The following ARHGAP32 variants were observed in gnomAD, a reference collection of about 807,000 sequenced individuals.
The protein encoded by ARHGAP32 is rho GTPase-activating protein 32.
A neutral mutation model predicts 186.5 loss-of-function variants in ARHGAP32; 51 were observed. That is an observed-to-expected ratio of 0.27 (90% CI 0.22 to 0.35). The LOEUF (loss-of-function observed/expected upper bound fraction) is 0.35, where lower values mean the gene tolerates loss of function less well. ARHGAP32 is among the 10% of genes least tolerant of loss of function. The pLI, the probability that ARHGAP32 is intolerant of heterozygous loss-of-function variation, is 1.00. For synonymous variants in ARHGAP32, 950 were observed against 964.3 expected (o/e 0.99, Z 0.27); for missense variants, 2,186 against 2,623.5 (o/e 0.83, Z 3.64).
At chr11:129,160,054 C>T (rs1312785152) in intron 2 of ARHGAP32, among the ~76,000 whole-genome samples, 1 of 152,162 alleles carries the variant, frequency 6.6e-6, no homozygotes, top group Non-Finnish European at 1.5e-5. Context: ...TTCAACACTG[C>T]TTCATGCTAA....
chr11:129,198,465 G>T (rs1944420236), intron 1 of ARHGAP32, among the ~76,000 whole-genome samples: 1 of 152,178 alleles, frequency 6.6e-6, no homozygotes, highest in South Asian at 2.1e-4. Context: ...ACTGAATCAT[G>T]GGGGTGGTTT....
intron 11 of ARHGAP32, among the ~76,000 whole-genome samples, chr11:129,029,188 A>G (rs79273071): frequency 0.013 from 2,013 of 152,306 alleles, 16 homozygotes; most frequent in Middle Eastern, 0.02. Flanking sequence ...TTCTGTTTAT[A>G]TAGGCCTTAT....
chr11:129,185,248 T>C (rs1034686083), intron 1 of ARHGAP32, among the ~76,000 whole-genome samples: 1 of 152,210 alleles, frequency 6.6e-6, no homozygotes, highest in African/African-American at 2.4e-5. Context: ...GTGGCACATA[T>C]ACACCACGGA....
intron 1 of ARHGAP32, among the ~76,000 whole-genome samples, chr11:129,246,685 G>C (rs1945102655): frequency 6.6e-6 from 1 of 152,184 alleles, no homozygotes; most frequent in Non-Finnish European, 1.5e-5. Flanking sequence ...TAGGTCACTA[G>C]TGGCAATTGA....
rs371744455 is a variant in ARHGAP32 at position 128,971,000 on chromosome 11, G to A, written c.4213C>T (p.Arg1405Trp). ...GLPEKVRDGA[R>W]VPLLHLRAES... ...GCGCGCAGGTGCAGCAGCGGGACCCGGGCACCGTCCCGCACTTTCTCAGGC... is the reference window on the plus strand; with the variant it reads ...GCGCGCAGGTGCAGCAGCGGGACCCAGGCACCGTCCCGCACTTTCTCAGGC... Residue 1405 changes from arginine (R) to tryptophan (W), a missense_variant, in exon 23 of 23, where the codon CGG (arginine) becomes TGG (tryptophan). By Grantham distance (101) the Arg-to-Trp change is moderately radical. Coordinates refer to ENST00000682385, the MANE Select transcript of ARHGAP32 (RefSeq NM_001378024.1). The surrounding 1 kb of genome is among the most constrained non-coding windows in gnomAD (Gnocchi z 5.8). 2.8e-5 allele frequency: 45 copies of A among 1,613,486 alleles called. No homozygotes were observed. The Middle Eastern group carries it at 4.9e-4, about 18-fold the overall frequency.
chr11:128,976,078 C>CATATATATATATATATATATAT (rs71472082), intron 20 of ARHGAP32, among the ~76,000 whole-genome samples: 8 of 145,804 alleles, frequency 5.5e-5, no homozygotes, highest in African/African-American at 2.0e-4. Flanking sequence ...CTCTGTCTAA[C>CATATATATATATATATATATAT]ATATATATAT....
chr11:129,193,481 CAAAAAA>C (rs1204964930), upstream of ARHGAP32, among the ~76,000 whole-genome samples: 2 of 26,064 alleles, frequency 7.7e-5, no homozygotes, highest in East Asian at 1.1e-3. Flanking sequence ...GACCCTGTCT[CAAAAAA>C]AAAAAAAAAA....
In ARHGAP32 at chr11:128,974,903, T is replaced by G; in HGVS notation, c.2294A>C (p.Tyr765Ser). 1 of 1,614,170 alleles carries G rather than the reference T, an allele frequency of 6.2e-7. No homozygotes were observed. Among genetic ancestry groups the G allele is most frequent in the African/African-American group, 1.3e-5 (1 of 75,036 alleles). Residue 765 changes from tyrosine to serine, a missense_variant, in exon 21 of 23, where the codon TAT becomes TCT. Coordinates refer to ENST00000682385, the MANE Select transcript of ARHGAP32 (RefSeq NM_001378024.1). ...GEMLGNRCNS[Y>S]DNLPHDNESE... Reference sequence around the variant, plus strand: ...CTCATTGTCATGAGGCAGATTATCATAGGAGTTACAGCGGTTCCCCAGCAT... The same window carrying G: ...CTCATTGTCATGAGGCAGATTATCAGAGGAGTTACAGCGGTTCCCCAGCAT...
intron 6 of ARHGAP32, among the ~76,000 whole-genome samples, chr11:129,075,405 T>C (rs546265534): frequency 6.6e-6 from 1 of 152,298 alleles, no homozygotes; most frequent in Admixed American, 6.5e-5. Flanking sequence ...GGGCACTCAG[T>C]AATGTCAAAT....
chr11:129,237,672 G>T (rs553249012), intron 1 of ARHGAP32, among the ~76,000 whole-genome samples: 4 of 152,252 alleles, frequency 2.6e-5, no homozygotes, highest in African/African-American at 4.8e-5. Context: ...GTCCAGTGTG[G>T]TGCAACAGTA....
At chr11:129,119,148 C>T (rs146001162) in intron 5 of ARHGAP32, among the ~76,000 whole-genome samples, 19 of 152,082 alleles carry the variant, frequency 1.2e-4, no homozygotes, top group African/African-American at 4.3e-4. Context: ...AATTTCTTAG[C>T]TTGAAGGAAC....
chr11:129,061,329 T>C (rs1340002209), intron 10 of ARHGAP32, among the ~76,000 whole-genome samples: 2 of 152,196 alleles, frequency 1.3e-5, no homozygotes, highest in African/African-American at 2.4e-5. Flanking sequence ...GTCTCAAAAC[T>C]GTTTAGCCAT....
chr11:129,081,128 C>A (rs935015347), intron 6 of ARHGAP32, among the ~76,000 whole-genome samples: 3 of 151,418 alleles, frequency 2.0e-5, no homozygotes, highest in African/African-American at 7.3e-5. Flanking sequence ...TAAAAACTGC[C>A]AACAAAAAAA....
chr11:129,033,233 A>G (rs972930052), intron 11 of ARHGAP32, among the ~76,000 whole-genome samples: 2 of 152,224 alleles, frequency 1.3e-5, no homozygotes, highest in Non-Finnish European at 2.9e-5. Flanking sequence ...AGCTGTTATC[A>G]ACATTTCTAT....
intron 12 of ARHGAP32, among the ~76,000 whole-genome samples, chr11:128,994,834 C>G (rs918015846): frequency 6.6e-6 from 1 of 152,110 alleles, no homozygotes; most frequent in Non-Finnish European, 1.5e-5. Flanking sequence ...TTCTTACCAA[C>G]CCTGATGAAA....
rs377018164 is a variant in ARHGAP32, at chr11:128,986,646, C to T, written c.1321G>A (p.Val441Ile). The change falls in exon 14 of 23, where the codon GTC (valine) becomes ATC (isoleucine). Residue 441 changes from valine (V) to isoleucine (I), a missense_variant. This residue lies in a region of ARHGAP32 where 308 missense variants were observed against 596.5 expected (regional missense o/e 0.52). Transcript: ENST00000682385. ...TACGGTTCTTTCGTCAGGTCGGGGA[C>T]GTGCTCAGAGTCAAATTCATGGCTG... ...RLRHEFDSEH[V>I]PDLTKEPYVQ... 21 of 1,613,914 alleles carry T rather than the reference C, an allele frequency of 1.3e-5. No homozygotes were observed. In the East Asian group the frequency reaches 2.5e-4, roughly 19 times the overall value.
intron 6 of ARHGAP32, among the ~76,000 whole-genome samples, chr11:129,067,616 C>T (rs1940736434): frequency 6.6e-6 from 1 of 151,708 alleles, no homozygotes; most frequent in East Asian, 1.9e-4. Context: ...TCAGCTCACA[C>T]CGCAACAACA....
At chr11:129,095,473 G>A (rs1020756504) in intron 5 of ARHGAP32, among the ~76,000 whole-genome samples, 13 of 152,146 alleles carry the variant, frequency 8.5e-5, no homozygotes, top group African/African-American at 1.9e-4. Context: ...CAGGGATATC[G>A]GGTGAGTAAA....
Position 128,973,120 on chromosome 11 carries a change from C to T in ARHGAP32, c.3386G>A (p.Gly1129Glu). The change falls in exon 22 of 23, where the codon GGA becomes GAA. Residue 1129 changes from glycine (G) to glutamate (E), a missense_variant. Physicochemically the swap from Gly to Glu is moderately conservative, Grantham distance 98. Transcript: ENST00000682385. ...CTCTGGTAGAGGATGGTCACAGTTT[C>T]CTGGTGCATTATTCTGGAGGTGGAA... ...EQFHLQNNAP[G>E]NCDHPLPETT... The T allele has an allele frequency of 6.2e-7, 1 of 1,614,124 alleles. No homozygotes were observed. The highest frequency in any genetic ancestry group is 8.5e-7 in the Non-Finnish European group (1 of 1,180,022).
Sources: allele counts gnomAD v4.1 joint callset (sites outside exome capture counted in the v4.1 genomes callset), GRCh38; gene constraint gnomAD v4.1.1; regional missense constraint gnomAD v4.1.1; non-coding constraint Gnocchi (gnomAD v3.1); transcripts MANE v1.5; gene names NCBI Gene and HGNC (gene_info 2026-07-23, HGNC 2026-07-21).